The following VWA3A variants were observed in gnomAD, a reference collection of about 807,000 sequenced individuals.
VWA3A encodes the protein von Willebrand factor A domain containing 3A.
VWA3A carries 134 observed loss-of-function variants against 160.4 expected under a neutral mutation model. That is an observed-to-expected ratio of 0.84 (90% confidence interval 0.73 to 0.96). VWA3A has a LOEUF of 0.96. VWA3A is among the 40% of genes least tolerant of loss of function. The pLI is 0.00. For missense variants in VWA3A, 1,310 were observed against 1,447.9 expected (o/e 0.90, Z 1.55); for synonymous variants, 476 against 543.4 (o/e 0.88, Z 1.72).
At chr16:22,139,718 A>C (rs538706216) in intron 22 of VWA3A, among the ~76,000 whole-genome samples, 4 of 152,032 alleles carry the variant, frequency 2.6e-5, no homozygotes, top group Non-Finnish European at 4.4e-5. Context: ...AACAAACAAA[A>C]AAAAACTGAG....
chr16:22,103,188 C>T (rs1273020901), intron 5 of VWA3A, among the ~76,000 whole-genome samples: 1 of 152,004 alleles, frequency 6.6e-6, no homozygotes, highest in Non-Finnish European at 1.5e-5. Context: ...CATGCACCAC[C>T]ATACCCAGCA....
intron 21 of VWA3A, among the ~76,000 whole-genome samples, chr16:22,136,633 C>T (rs543571880): frequency 6.5e-4 from 99 of 152,128 alleles, no homozygotes; most frequent in African/African-American, 2.3e-3. Context: ...GGCAGGGCCA[C>T]GTCTCCATCT....
rs1458748749 is a variant in VWA3A, at chr16:22,155,629, G to C, written c.3468G>C (p.Lys1156Asn). Residue 1156 changes from lysine (K) to asparagine (N), a missense_variant, in exon 32 of 34, where the codon AAG (lysine) becomes AAC (asparagine). Coordinates refer to ENST00000389398, the MANE Select transcript of VWA3A (RefSeq NM_173615.5). ...GGATCCTGGCCCAGGAGATCACCAA[G>C]GCCAGAAGCTTCCTCTGGCAGGCCC... Reference protein sequence around the residue: ...DLRILAQEITKARSFLWQAQS... With the variant: ...DLRILAQEITNARSFLWQAQS... The C allele has an allele frequency of 1.2e-6, 2 of 1,613,788 alleles. No homozygotes were observed. The highest frequency in any genetic ancestry group is 1.7e-6 in the Non-Finnish European group (2 of 1,179,878).
intron 16 of VWA3A, among the ~76,000 whole-genome samples, chr16:22,124,530 CTATTATTATTATTATTAT>C (rs10564178): frequency 4.5e-4 from 63 of 141,170 alleles, no homozygotes; most frequent in Middle Eastern, 3.7e-3. Flanking sequence ...TACTATACAT[CTATTATTATTATTATTAT>C]TATTATTATT....
intron 3 of VWA3A, among the ~76,000 whole-genome samples, chr16:22,099,791 G>A (rs996949948): frequency 6.6e-6 from 1 of 152,092 alleles, no homozygotes; most frequent in South Asian, 2.1e-4. Context: ...GACAAACCAG[G>A]GGGCTGGGTA....
At chr16:22,122,527 G>A (rs1260282798) in intron 14 of VWA3A, among the ~76,000 whole-genome samples, 1 of 152,170 alleles carries the variant, frequency 6.6e-6, no homozygotes, top group African/African-American at 2.4e-5. Context: ...CAGAAAGATG[G>A]AAGACTGAAA....
Position 22,140,031 on chromosome 16 carries a change from G to C in VWA3A, c.2293-123G>C, listed in dbSNP as rs1327124155. The C allele has an allele frequency of 3.4e-6, 3 of 872,632 alleles. No individual in the cohort carries two copies. In the Admixed American group the frequency reaches 6.4e-5, roughly 19 times the overall value. The allele number at this position is 872,632 out of a possible 1,614,324, so 54.1% of individuals were successfully genotyped here. A position where few individuals can be genotyped will look rare whatever the true frequency, so the allele number is the denominator to read the frequency against. On this transcript the variant is annotated intron_variant, in intron 22 of 33. Coordinates refer to ENST00000389398, the MANE Select transcript of VWA3A (RefSeq NM_173615.5). ...AGGAGAGGGGCCAAACCTGTCTGAG[G>C]AGTCCCCTCCCTTAGGCTCCTCCCT... is the stretch of plus-strand genomic sequence containing the variant.
chr16:22,141,009 T>C (rs867690169), intron 23 of VWA3A, among the ~76,000 whole-genome samples: 1 of 152,204 alleles, frequency 6.6e-6, no homozygotes, highest in Non-Finnish European at 1.5e-5. Flanking sequence ...TCTGCTAAGA[T>C]TGTCCCATTT....
intron 19 of VWA3A, 89 bp downstream of exon 19, chr16:22,131,818 A>G: frequency 2.0e-6 from 3 of 1,484,808 alleles, no homozygotes; most frequent in Non-Finnish European, 2.7e-6. Context: ...TTTCTGCAGC[A>G]TGATTTCTAA....
At chr16:22,101,170 T>C (rs2045403346) in intron 5 of VWA3A, among the ~76,000 whole-genome samples, 1 of 151,862 alleles carries the variant, frequency 6.6e-6, no homozygotes, top group Non-Finnish European at 1.5e-5. Context: ...GGTGGGAGGA[T>C]CACTTGAGCC....
Position 22,142,705 on chromosome 16 carries a change from GAGA to G in VWA3A, c.2535_2537del (p.Arg846del). 6.3e-7 allele frequency: 1 copy of G among 1,575,206 alleles called. No individual in the cohort carries two copies. Among genetic ancestry groups the G allele is most frequent in the Non-Finnish European group, 8.6e-7 (1 of 1,159,460 alleles). On this transcript the variant is annotated inframe_deletion, in exon 25 of 34. Transcript: ENST00000389398. Reference sequence around the variant, plus strand: ...AGAAGTACCCTCAAGGAAGGGGCTTGAGAAGGACTAGCTCTTCTATTGACTTAC... The same window carrying G: ...AGAAGTACCCTCAAGGAAGGGGCTTGAGGACTAGCTCTTCTATTGACTTAC...
rs550961822 is a variant in VWA3A at position 22,116,425 on chromosome 16, AAG to A, written c.816-327_816-326del. On this transcript the variant is annotated intron_variant, in intron 9 of 33. Coordinates refer to ENST00000389398, the MANE Select transcript of VWA3A (RefSeq NM_173615.5). ...AGAGAGAAAAACAAAGGAAAAAGGA[AAG>A]AGAGAGGAAGAGAGAGAGAGGAGAA... The A allele has an allele frequency of 1.7e-3, 761 of 445,224 alleles. 3 individuals carry two copies. The highest frequency in any genetic ancestry group is 2.4e-3 in the Non-Finnish European group (577 of 236,470). 27.6% of individuals were successfully genotyped at this position (445,224 alleles called of 1,614,324 possible).
chr16:22,113,670 C>T (rs2045590519), intron 8 of VWA3A, among the ~76,000 whole-genome samples: 1 of 152,198 alleles, frequency 6.6e-6, no homozygotes. Flanking sequence ...ACAATCATAG[C>T]TTACTGCCAT....
chr16:22,115,916 A>AGGAAGGAG (rs2045629977), intron 9 of VWA3A, among the ~76,000 whole-genome samples: 2 of 29,904 alleles, frequency 6.7e-5, no homozygotes, highest in Non-Finnish European at 9.3e-5. Context: ...GAAGGAAGGA[A>AGGAAGGAG]GGAAGGAAAG....
chr16:22,103,355 A>C (rs1387261973), intron 5 of VWA3A, 120 bp from the exon 6 acceptor site: 2 of 902,992 alleles, frequency 2.2e-6, no homozygotes, highest in Non-Finnish European at 3.3e-6. Flanking sequence ...CCTTCTTCCA[A>C]GAACCTATGC....
At chr16:22,137,478 T>C (rs1347233442) in intron 21 of VWA3A, among the ~76,000 whole-genome samples, 1 of 152,228 alleles carries the variant, frequency 6.6e-6, no homozygotes, top group Non-Finnish European at 1.5e-5. Context: ...TACACACTGA[T>C]AAGGTGGTCT....
intron 13 of VWA3A, 102 bp from the exon 14 acceptor site, chr16:22,121,412 C>A: frequency 2.0e-6 from 2 of 997,656 alleles, no homozygotes; most frequent in South Asian, 1.4e-5. Context: ...CCACTGCACT[C>A]TAGCCTGGGT....
At chr16:22,141,799 AG>A in intron 24 of VWA3A, 107 bp downstream of exon 24, 1 of 897,828 alleles carries the variant, frequency 1.1e-6, no homozygotes, top group Non-Finnish European at 1.7e-6. Flanking sequence ...CCCAGGACCT[AG>A]GCACTGGTGC....
Position 22,100,228 on chromosome 16 carries a change from G to C in VWA3A, c.260G>C (p.Trp87Ser), listed in dbSNP as rs1169125718. The C allele has an allele frequency of 1.9e-6, 3 of 1,550,592 alleles. No individual in the cohort carries two copies. Among genetic ancestry groups the C allele is most frequent in the Non-Finnish European group, 2.6e-6 (3 of 1,146,908 alleles). Residue 87 changes from tryptophan (W) to serine (S), a missense_variant, in exon 4 of 34, where the codon TGG (tryptophan) becomes TCG (serine). Trp to Ser is a radical substitution (Grantham distance 177). Coordinates refer to ENST00000389398, the MANE Select transcript of VWA3A (RefSeq NM_173615.5). ...LQGSETQSSDWEDSEDWLSAH... is the reference protein window; with the variant it reads ...LQGSETQSSDSEDSEDWLSAH... ...GGGAGTGAGACCCAGTCTTCAGATTGGGAGGACTCTGAAGACTGGCTTTCG... is the reference window on the plus strand; with the variant it reads ...GGGAGTGAGACCCAGTCTTCAGATTCGGAGGACTCTGAAGACTGGCTTTCG...
Sources: gnomAD v4.1 joint callset for allele counts (sites outside exome capture counted in the v4.1 genomes callset) on GRCh38, gnomAD v4.1.1 for gene constraint, MANE v1.5 for transcripts, NCBI Gene and HGNC (gene_info 2026-07-23, HGNC 2026-07-21) for gene names.